Variants in NUP37 observed in about 807,000 individuals in gnomAD.
NUP37 encodes nucleoporin Nup37.
A neutral mutation model predicts 45.4 loss-of-function variants in NUP37; 33 were observed. That is an observed-to-expected ratio of 0.73 (90% CI 0.55 to 0.97). The LOEUF (loss-of-function observed/expected upper bound fraction) is 0.97, where lower values mean the gene tolerates loss of function less well. Among genes scored for constraint, NUP37 ranks in the 50% least tolerant of loss-of-function variants. The pLI is 0.00. For missense variants in NUP37, 365 were observed against 389.7 expected (o/e 0.94, Z 0.53); for synonymous variants, 127 against 130.7 (o/e 0.97, Z 0.19).
In NUP37 at chr12:102,115,674, GACA is replaced by G. The variant is rs568271495; in HGVS notation, c.156+2686_156+2688del. 3.7e-4 allele frequency: 82 copies of G among 220,024 alleles called. No homozygotes were observed. The South Asian group carries it at 0.013, about 34-fold the overall frequency. 13.6% of individuals were successfully genotyped at this position (220,024 alleles called of 1,614,324 possible). ...CTCATATGTCCATCATAATCAAAGG[GACA>G]ACATGAGATTCTGAAAAATGCTTTA... On this transcript the variant is annotated intron_variant, in intron 2 of 9. Coordinates refer to ENST00000552283, the MANE Select transcript of NUP37 (RefSeq NM_024057.4).
intron 5 of NUP37, among the ~76,000 whole-genome samples, chr12:102,096,507 T>C (rs1879807433): frequency 6.6e-6 from 1 of 152,278 alleles, no homozygotes; most frequent in East Asian, 1.9e-4. Context: ...CTGATTATAA[T>C]ATAGTGTCTT....
At chr12:102,112,301 T>C in intron 2 of NUP37, 69 bp from the exon 3 acceptor site, 1 of 1,293,184 alleles carries the variant, frequency 7.7e-7, no homozygotes, top group South Asian at 1.6e-5. Context: ...TATTTCATTA[T>C]AATGAATTTA....
chr12:102,103,778 T>C (rs1368200215), intron 3 of NUP37, among the ~76,000 whole-genome samples: 2 of 152,126 alleles, frequency 1.3e-5, no homozygotes, highest in Non-Finnish European at 2.9e-5. Flanking sequence ...AACCACATCA[T>C]CTCAAAAGAT....
At position 102,098,344 on chromosome 12, in the gene NUP37, G is replaced by A. The variant is rs535797077; in HGVS notation, c.449+762C>T. Among the ~76,000 whole-genome samples, 6 of 152,270 alleles carry A rather than the reference G, an allele frequency of 3.9e-5. No individual in the cohort carries two copies. The East Asian group carries it at 1.2e-3, about 29-fold the overall frequency. ...AATAGTTAAATGTATTGTATCTAAA[G>A]AAAACCTTATGCAGAAACCTCTGAA... On this transcript the variant is annotated intron_variant, in intron 5 of 9. Transcript: ENST00000552283.
At chr12:102,115,304 C>A (rs1158010078) in intron 2 of NUP37, among the ~76,000 whole-genome samples, 1 of 152,108 alleles carries the variant, frequency 6.6e-6, no homozygotes, top group Non-Finnish European at 1.5e-5. Context: ...CCACACAGGA[C>A]CTTATGAAGC....
chr12:102,075,993 A>G (rs1244163044), intron 8 of NUP37, among the ~76,000 whole-genome samples: 2 of 152,078 alleles, frequency 1.3e-5, no homozygotes, highest in Non-Finnish European at 2.9e-5. Flanking sequence ...CACTGAGAAT[A>G]GCAGAGGGAA....
intron 5 of NUP37, among the ~76,000 whole-genome samples, chr12:102,092,450 A>G (rs116845991): frequency 6.6e-6 from 1 of 152,324 alleles, no homozygotes; most frequent in East Asian, 1.9e-4. Flanking sequence ...GGGACCCTCA[A>G]CATTCTTAGA....
intron 1 of NUP37, 73 bp from the exon 2 acceptor site, chr12:102,118,656 T>C (rs926639605): frequency 4.0e-5 from 28 of 702,356 alleles, no homozygotes; most frequent in Non-Finnish European, 5.2e-5. Context: ...CAAAATAAGG[T>C]TGTGGTGTTA....
chr12:102,110,518 A>G (rs1880284336), intron 3 of NUP37, among the ~76,000 whole-genome samples: 1 of 150,204 alleles, frequency 6.7e-6, no homozygotes, highest in African/African-American at 2.5e-5. Flanking sequence ...AAAAAAATAA[A>G]AAAAAAAAAA....
At chr12:102,118,300 T>C (rs982868467) in intron 2 of NUP37, 63 bp downstream of exon 2, 3 of 1,446,142 alleles carry the variant, frequency 2.1e-6, no homozygotes, top group Admixed American at 4.7e-5. Context: ...AGATTTGGTT[T>C]GTGTAAGTTC....
intron 6 of NUP37, among the ~76,000 whole-genome samples, chr12:102,084,858 G>A (rs943146324): frequency 4.6e-5 from 7 of 152,150 alleles, no homozygotes; most frequent in Non-Finnish European, 1.0e-4. Flanking sequence ...TAACTACAGT[G>A]ATGACCAAGA....
At chr12:102,084,708 CAA>C (rs749376130) in intron 6 of NUP37, among the ~76,000 whole-genome samples, 21 of 104,300 alleles carry the variant, frequency 2.0e-4, no homozygotes, top group Non-Finnish European at 1.4e-4. Flanking sequence ...GGCTGTGTCT[CAA>C]AAAAAAAAAA....
At chr12:102,088,277 C>T (rs989953298) in intron 5 of NUP37, among the ~76,000 whole-genome samples, 3 of 152,132 alleles carry the variant, frequency 2.0e-5, no homozygotes, top group Non-Finnish European at 1.5e-5. Flanking sequence ...GCTCATTTTT[C>T]TGTGTCTTTA....
intron 6 of NUP37, 46 bp downstream of exon 6, chr12:102,085,720 A>C (rs777177947): frequency 6.6e-6 from 6 of 914,268 alleles, no homozygotes; most frequent in Non-Finnish European, 1.0e-5. Context: ...TTATATCTCT[A>C]TAAGTCTTTT....
chr12:102,084,051 A>G (rs1879402830), intron 6 of NUP37, among the ~76,000 whole-genome samples: 2 of 152,224 alleles, frequency 1.3e-5, no homozygotes, highest in African/African-American at 4.8e-5. Context: ...GGAGGTGGAA[A>G]AAGGGAATTT....
At chr12:102,110,110 A>G (rs1341635919) in intron 3 of NUP37, among the ~76,000 whole-genome samples, 1 of 152,224 alleles carries the variant, frequency 6.6e-6, no homozygotes, top group African/African-American at 2.4e-5. Flanking sequence ...GAAATCACAC[A>G]AAGATTTCTA....
intron 5 of NUP37, among the ~76,000 whole-genome samples, chr12:102,089,519 TC>T (rs1279695703): frequency 1.0e-4 from 14 of 134,158 alleles, no homozygotes; most frequent in South Asian, 4.8e-4. Context: ...GCTCCTCACC[TC>T]CCAGACGGGG....
chr12:102,105,734 A>T (rs905427600), intron 3 of NUP37, among the ~76,000 whole-genome samples: 1 of 151,210 alleles, frequency 6.6e-6, no homozygotes, highest in Admixed American at 6.6e-5. Flanking sequence ...GGTGATGTGC[A>T]CCTATAATCC....
chr12:102,084,584 C>T (rs1363812552), intron 6 of NUP37, among the ~76,000 whole-genome samples: 1 of 151,816 alleles, frequency 6.6e-6, no homozygotes, highest in African/African-American at 2.4e-5. Context: ...ACGAAGGTTG[C>T]AGTGAATGAT....
Sources: gnomAD v4.1 joint callset for allele counts (sites outside exome capture counted in the v4.1 genomes callset) on GRCh38, gnomAD v4.1.1 for gene constraint, MANE v1.5 for transcripts, NCBI Gene and HGNC (gene_info 2026-07-23, HGNC 2026-07-21) for gene names.